CDC42BPA: variants seen among roughly 807,000 people sequenced by gnomAD.
CDC42BPA encodes the protein serine/threonine-protein kinase MRCK alpha.
CDC42BPA carries 80 observed loss-of-function variants against 223.5 expected under a neutral mutation model. The observed-to-expected ratio is 0.36, with a 90% CI of 0.30 to 0.43. The LOEUF (loss-of-function observed/expected upper bound fraction) is 0.43, where lower values mean the gene tolerates loss of function less well. Ranked by LOEUF, CDC42BPA falls within the 20% of genes least tolerant of loss-of-function variation. The probability of loss-of-function intolerance (pLI) is 1.00; values close to 1 mark genes in which losing one functional copy is unlikely to be tolerated. For synonymous variants in CDC42BPA, 694 were observed against 718.6 expected, an observed-to-expected ratio of 0.97 and a Z score of 0.55; for missense variants, 1,743 against 2,099.9, an observed-to-expected ratio of 0.83 and a Z score of 3.32.
chr1:227,201,039 C>T (rs1211657790), intron 3 of CDC42BPA, among the ~76,000 whole-genome samples: 1 of 152,118 alleles, frequency 6.6e-6, no homozygotes, highest in Middle Eastern at 3.2e-3. Flanking sequence ...ATTGTTTTTT[C>T]AAATTGATTT....
At chr1:227,037,250 A>G (rs778040480) in intron 24 of CDC42BPA, among the ~76,000 whole-genome samples, 3 of 152,200 alleles carry the variant, frequency 2.0e-5, no homozygotes, top group Non-Finnish European at 4.4e-5. Context: ...CTAGTCAACA[A>G]TACAGGCGAT....
At chr1:227,045,450 T>C (rs935819516) in intron 23 of CDC42BPA, among the ~76,000 whole-genome samples, 5 of 152,204 alleles carry the variant, frequency 3.3e-5, no homozygotes, top group African/African-American at 7.2e-5. Flanking sequence ...GGACAGGTAT[T>C]TGTCATCCAC....
At chr1:227,193,230 C>T (rs947440855) in intron 5 of CDC42BPA, among the ~76,000 whole-genome samples, 7 of 82,068 alleles carry the variant, frequency 8.5e-5, no homozygotes, top group Non-Finnish European at 1.7e-4. Context: ...CCACCACGCC[C>T]GGCTAATTTT....
At chr1:227,248,004 A>G (rs565878881) in intron 2 of CDC42BPA, among the ~76,000 whole-genome samples, 57 of 152,234 alleles carry the variant, frequency 3.7e-4, no homozygotes, top group Admixed American at 1.5e-3. Context: ...GATCAAGCAG[A>G]AGCAAGAATT....
chr1:227,300,545 CA>C (rs1445150139), intron 1 of CDC42BPA, among the ~76,000 whole-genome samples: 2 of 152,010 alleles, frequency 1.3e-5, no homozygotes, highest in African/African-American at 4.8e-5. Flanking sequence ...AGCTGGAGGC[CA>C]TTATTCTAAG....
chr1:227,269,178 T>C (rs1031027273), intron 1 of CDC42BPA, among the ~76,000 whole-genome samples: 3 of 152,246 alleles, frequency 2.0e-5, no homozygotes, highest in Non-Finnish European at 4.4e-5. Flanking sequence ...GGTGGGGCTA[T>C]GTTCCAATAA....
At chr1:227,145,875 C>CCTG in intron 7 of CDC42BPA, 138 bp from the exon 8 acceptor site, 2 of 624,230 alleles carry the variant, frequency 3.2e-6, no homozygotes, top group Non-Finnish European at 5.2e-6. Context: ...AGTACTAATA[C>CCTG]TAAAGGAATA....
chr1:227,035,572 T>C lies in CDC42BPA; in HGVS notation c.3235A>G (p.Lys1079Glu), dbSNP rs142183701. 6.7e-4 allele frequency: 1,080 copies of C among 1,608,664 alleles called. 1 individual carries two copies. Among genetic ancestry groups the C allele is most frequent in the Non-Finnish European group, 8.6e-4 (1,008 of 1,178,740 alleles). The change falls in exon 25 of 37, where the codon AAA becomes GAA. Residue 1079 changes from lysine (K) to glutamate (E), a missense_variant. This residue lies in a region of CDC42BPA where 678 missense variants were observed against 777.5 expected (regional missense o/e 0.87). Transcript: ENST00000366766. ...GFSCHITCVNKAPTTCPVPPE... is the reference protein window; with the variant it reads ...GFSCHITCVNEAPTTCPVPPE... ...GGAACTGGACAAGTGGTTGGAGCTT[T>C]GTTTACACAAGTTATATGGCATGAG...
At chr1:227,116,984 G>A (rs1687869732) in intron 12 of CDC42BPA, among the ~76,000 whole-genome samples, 1 of 152,108 alleles carries the variant, frequency 6.6e-6, no homozygotes, top group Admixed American at 6.5e-5. Context: ...AGATTTCCAA[G>A]GAACTCTCTC....
intron 12 of CDC42BPA, among the ~76,000 whole-genome samples, chr1:227,118,647 TTC>T (rs1688144328): frequency 6.6e-6 from 1 of 152,142 alleles, no homozygotes; most frequent in African/African-American, 2.4e-5. Context: ...TCCAAGATCC[TTC>T]TCTTTAGATT....
intron 2 of CDC42BPA, among the ~76,000 whole-genome samples, chr1:227,217,520 C>G (rs1445230262): frequency 6.6e-6 from 1 of 151,940 alleles, no homozygotes; most frequent in African/African-American, 2.4e-5. Context: ...CTACTTCTGC[C>G]CTCTCATCCC....
At chr1:227,172,716 T>A (rs748499182) in intron 5 of CDC42BPA, among the ~76,000 whole-genome samples, 1 of 152,078 alleles carries the variant, frequency 6.6e-6, no homozygotes, top group Non-Finnish European at 1.5e-5. Context: ...TGTACTACCT[T>A]TGCAATTTCC....
chr1:227,260,928 G>C (rs1683924102), intron 1 of CDC42BPA, among the ~76,000 whole-genome samples: 1 of 150,874 alleles, frequency 6.6e-6, no homozygotes, highest in African/African-American at 2.5e-5. Flanking sequence ...TATCAATTAT[G>C]CCAGGCTCTG....
At chr1:227,316,440 T>C (rs1488501706) in intron 1 of CDC42BPA, among the ~76,000 whole-genome samples, 1 of 152,210 alleles carries the variant, frequency 6.6e-6, no homozygotes, top group African/African-American at 2.4e-5. Context: ...ATCACAAGAT[T>C]TTTAAACTAT....
chr1:227,303,317 A>G (rs1691986693), intron 1 of CDC42BPA, among the ~76,000 whole-genome samples: 1 of 152,190 alleles, frequency 6.6e-6, no homozygotes, highest in South Asian at 2.1e-4. Flanking sequence ...AGACTCTTCT[A>G]ATCTTCTAAT....
intron 24 of CDC42BPA, among the ~76,000 whole-genome samples, chr1:227,037,722 G>A (rs1670543316): frequency 6.6e-6 from 1 of 152,122 alleles, no homozygotes; most frequent in African/African-American, 2.4e-5. Flanking sequence ...CTATTTTCTT[G>A]TCTTTTTCAT....
rs557034264 is a variant in CDC42BPA, at chr1:227,112,680, G to C, written c.1881C>G (p.Ala627=). 3 of 1,609,792 alleles carry C rather than the reference G, an allele frequency of 1.9e-6. No homozygotes were observed. In the African/African-American group the frequency reaches 4.0e-5, roughly 22 times the overall value. The change falls in exon 13 of 37, where the codon GCC becomes GCG. Residue 627 remains alanine (A), a synonymous_variant. Transcript: ENST00000366766. ...LRQELRRTER[A]KKELEVHTEA... ...TTGCCTGACTACTAACCTCTTTTTT[G>C]GCTCTTTCTGTTCTGCGCAGTTCTT...
chr1:227,290,766 A>G (rs1558967307), intron 1 of CDC42BPA, among the ~76,000 whole-genome samples: 2 of 152,166 alleles, frequency 1.3e-5, no homozygotes, highest in South Asian at 4.2e-4. Flanking sequence ...TTCCTCTCTT[A>G]CACACAGTAA....
intron 2 of CDC42BPA, among the ~76,000 whole-genome samples, chr1:227,225,743 G>T (rs2147914891): frequency 6.6e-6 from 1 of 152,212 alleles, no homozygotes; most frequent in Non-Finnish European, 1.5e-5. Flanking sequence ...TAATTTTAAA[G>T]AAGCAATTGG....
Sources: allele counts gnomAD v4.1 joint callset (sites outside exome capture counted in the v4.1 genomes callset), GRCh38; gene constraint gnomAD v4.1.1; regional missense constraint gnomAD v4.1.1; transcripts MANE v1.5; gene names NCBI Gene and HGNC (gene_info 2026-07-23, HGNC 2026-07-21).